EEA1: variants seen among roughly 807,000 people sequenced by gnomAD.
EEA1 encodes the protein early endosome antigen 1.
Under a neutral mutation model 209.2 loss-of-function variants are expected in EEA1, and 111 were observed. The observed-to-expected ratio is 0.53, with a 90% CI of 0.45 to 0.62. The LOEUF is 0.62. Ranked by LOEUF, EEA1 falls within the 20% of genes least tolerant of loss-of-function variation. The probability of loss-of-function intolerance (pLI) is 0.00; values close to 1 mark genes in which losing one functional copy is unlikely to be tolerated. For synonymous variants in EEA1, 536 were observed against 540.6 expected (o/e 0.99, Z 0.12); for missense variants, 1,343 against 1,530.8 (o/e 0.88, Z 2.05).
chr12:92,875,799 T>A (rs564108892), intron 2 of EEA1, among the ~76,000 whole-genome samples: 1 of 152,320 alleles, frequency 6.6e-6, no homozygotes, highest in South Asian at 2.1e-4. Context: ...TTGCTCACTA[T>A]GCTACAGCTA....
intron 23 of EEA1, among the ~76,000 whole-genome samples, chr12:92,780,846 G>C (rs1440486950): frequency 6.6e-6 from 1 of 152,160 alleles, no homozygotes; most frequent in Non-Finnish European, 1.5e-5. Flanking sequence ...ATCAGAGATA[G>C]AGCCAAAACC....
intron 9 of EEA1, among the ~76,000 whole-genome samples, chr12:92,844,437 T>C (rs1877306932): frequency 6.6e-6 from 1 of 152,136 alleles, no homozygotes; most frequent in Non-Finnish European, 1.5e-5. Context: ...TTCAGTATCA[T>C]ATGTAACAGC....
Position 92,778,169 on chromosome 12 carries a change from A to G in EEA1, c.3665T>C (p.Ile1222Thr), listed in dbSNP as rs1184284032. 2.1e-5 allele frequency: 34 copies of G among 1,609,460 alleles called. No homozygotes were observed. Among genetic ancestry groups the G allele is most frequent in the Non-Finnish European group, 2.8e-5 (33 of 1,178,154 alleles). ...IEKEAKLHSEIKEKEVGMKKH... is the reference protein window; with the variant it reads ...IEKEAKLHSETKEKEVGMKKH... ...CTTCATTCCTACTTCCTTTTCTTTT[A>G]TTTCGGAATGCTGAAAAAAAGGAAA... The change falls in exon 26 of 29, where the codon ATA becomes ACA. Residue 1222 changes from isoleucine (I) to threonine (T), a missense_variant. Physicochemically the swap from Ile to Thr is moderately conservative, Grantham distance 89 (BLOSUM62 -1). Coordinates refer to ENST00000322349, the MANE Select transcript of EEA1 (RefSeq NM_003566.4).
intron 2 of EEA1, among the ~76,000 whole-genome samples, chr12:92,878,144 T>C (rs1176652711): frequency 6.6e-6 from 1 of 152,154 alleles, no homozygotes; most frequent in Non-Finnish European, 1.5e-5. Flanking sequence ...CTCACACTTG[T>C]AATCCTAACA....
At chr12:92,901,932 A>G (rs528347560) in intron 1 of EEA1, among the ~76,000 whole-genome samples, 9 of 152,336 alleles carry the variant, frequency 5.9e-5, no homozygotes, top group South Asian at 4.1e-4. Flanking sequence ...CCCAAAAACA[A>G]TAACACTAAC....
chr12:92,804,503 C>A (rs574973122), intron 18 of EEA1, among the ~76,000 whole-genome samples: 29 of 140,720 alleles, frequency 2.1e-4, no homozygotes, highest in Non-Finnish European at 3.0e-4. Context: ...ACCCAGGTGG[C>A]AGAGGTTGCA....
intron 5 of EEA1, 72 bp from the exon 6 acceptor site, chr12:92,854,026 A>C: frequency 8.2e-7 from 1 of 1,219,206 alleles, no homozygotes; most frequent in African/African-American, 1.6e-5. Context: ...GGTCAATGTT[A>C]AAAAATCTCT....
chr12:92,778,173 C>T lies in EEA1; in HGVS notation c.3661G>A (p.Glu1221Lys), dbSNP rs201094587. The T allele has an allele frequency of 4.5e-5, 73 of 1,606,746 alleles. No individual in the cohort carries two copies. In the Middle Eastern group the frequency reaches 5.0e-4, roughly 11 times the overall value. The change falls in exon 26 of 29, where the codon GAA becomes AAA. Residue 1221 changes from glutamate (E) to lysine (K), a missense_variant. Coordinates refer to ENST00000322349, the MANE Select transcript of EEA1 (RefSeq NM_003566.4). ...FIEKEAKLHS[E>K]IKEKEVGMKK... ...ATTCCTACTTCCTTTTCTTTTATTT[C>T]GGAATGCTGAAAAAAAGGAAAAGTT...
At chr12:92,790,526 G>C (rs1054753597) in intron 21 of EEA1, among the ~76,000 whole-genome samples, 9 of 152,074 alleles carry the variant, frequency 5.9e-5, no homozygotes, top group Non-Finnish European at 1.2e-4. Flanking sequence ...TGGAAGAAAG[G>C]GTATCAGTGA....
chr12:92,827,936 G>A lies in EEA1; in HGVS notation c.1380C>T (p.Leu460=). The A allele has an allele frequency of 6.4e-7, 1 of 1,569,002 alleles. No individual in the cohort carries two copies. The highest frequency in any genetic ancestry group is 1.2e-5 in the South Asian group (1 of 83,400). ...CCTGCTCTTCTAACCGAGAAAGTTTGAGTTGTAAATCAGCCACTTGTTGTT... is the reference window on the plus strand; with the variant it reads ...CCTGCTCTTCTAACCGAGAAAGTTTAAGTTGTAAATCAGCCACTTGTTGTT... ...DKEQQVADLQ[L]KLSRLEEQLK... is the part of the protein sequence containing the mutation. The change falls in exon 12 of 29, where the codon CTC becomes CTT. Residue 460 remains leucine, a synonymous_variant. Coordinates refer to ENST00000322349, the MANE Select transcript of EEA1 (RefSeq NM_003566.4).
intron 10 of EEA1, among the ~76,000 whole-genome samples, chr12:92,835,056 T>C (rs976914678): frequency 6.6e-6 from 1 of 151,920 alleles, no homozygotes; most frequent in African/African-American, 2.4e-5. Context: ...AATTTTCTTG[T>C]ATTTTTAGTA....
At chr12:92,836,133 T>A (rs1876919674) in intron 10 of EEA1, among the ~76,000 whole-genome samples, 1 of 152,170 alleles carries the variant, frequency 6.6e-6, no homozygotes, top group Non-Finnish European at 1.5e-5. Context: ...GAAGGTGAAG[T>A]TGACAGAGCC....
chr12:92,894,507 T>C (rs1053650480), intron 1 of EEA1, among the ~76,000 whole-genome samples: 5 of 151,994 alleles, frequency 3.3e-5, no homozygotes, highest in Non-Finnish European at 7.4e-5. Flanking sequence ...AAAGTGCTAC[T>C]CCAGTGAACA....
In EEA1 at chr12:92,779,220, C is replaced by G. The variant is rs963743944; in HGVS notation, c.3549G>C (p.Lys1183Asn). The change falls in exon 25 of 29, where the codon AAG becomes AAC. Residue 1183 changes from lysine (K) to asparagine (N), a missense_variant. Lys to Asn is a moderately conservative substitution (Grantham distance 94). Around this residue, in one of 3 missense-constraint regions of EEA1, gnomAD observed 1,307 missense variants for 1,465.5 expected, o/e 0.89. Transcript: ENST00000322349. ...TTCTCTTCTCCTGTTCAACAGCTGCCTTCAGGGAGTCCGCTTTTCCTTGAA... is the reference window on the plus strand; with the variant it reads ...TTCTCTTCTCCTGTTCAACAGCTGCGTTCAGGGAGTCCGCTTTTCCTTGAA... ...LELQGKADSL[K>N]AAVEQEKRNQ... 2 of 1,610,312 alleles carry G rather than the reference C, an allele frequency of 1.2e-6. No homozygotes were observed. Among genetic ancestry groups the G allele is most frequent in the South Asian group, 2.2e-5 (2 of 90,434 alleles).
intron 1 of EEA1, among the ~76,000 whole-genome samples, chr12:92,908,183 T>G (rs142007034): frequency 6.6e-6 from 1 of 152,264 alleles, no homozygotes; most frequent in African/African-American, 2.4e-5. Context: ...TGCTGCAACA[T>G]GAAGCTAGAA....
rs1873507426 is a variant in EEA1, at chr12:92,773,263, G to T, written c.*2748C>A. 6.6e-6 allele frequency: 1 copy of T among 151,988 alleles called. No individual in the cohort carries two copies. Among genetic ancestry groups the T allele is most frequent in the Non-Finnish European group, 1.5e-5 (1 of 67,654 alleles). 9.4% of individuals were successfully genotyped at this position (151,988 alleles called of 1,614,324 possible). A position where few individuals can be genotyped will look rare whatever the true frequency, so the allele number is the denominator to read the frequency against. ...TGCAAATGTAAGGTTAAAAAAAAGTGGCTTTAAAGTTCTCAAAACTATATA... is the reference window on the plus strand; with the variant it reads ...TGCAAATGTAAGGTTAAAAAAAAGTTGCTTTAAAGTTCTCAAAACTATATA... On this transcript the variant is annotated 3_prime_UTR_variant, in exon 29 of 29. Transcript: ENST00000322349.
At chr12:92,897,469 G>A (rs775651555) in intron 1 of EEA1, among the ~76,000 whole-genome samples, 8 of 152,186 alleles carry the variant, frequency 5.3e-5, no homozygotes, top group Non-Finnish European at 1.5e-5. Flanking sequence ...GCGTGAAGTG[G>A]CTAATCAGAA....
At chr12:92,837,949 G>A (rs1229224438) in intron 10 of EEA1, among the ~76,000 whole-genome samples, 2 of 152,140 alleles carry the variant, frequency 1.3e-5, no homozygotes, top group Non-Finnish European at 2.9e-5. Context: ...GGGTAAGGAG[G>A]GGTGAGAGAA....
chr12:92,805,109 T>C (rs1193789134), intron 18 of EEA1, among the ~76,000 whole-genome samples: 2 of 152,124 alleles, frequency 1.3e-5, no homozygotes, highest in Non-Finnish European at 1.5e-5. Flanking sequence ...GCAGAGTTTT[T>C]GAGGAACAGA....
Sources: allele counts gnomAD v4.1 joint callset (sites outside exome capture counted in the v4.1 genomes callset), GRCh38; gene constraint gnomAD v4.1.1; regional missense constraint gnomAD v4.1.1; transcripts MANE v1.5; gene names NCBI Gene and HGNC (gene_info 2026-07-23, HGNC 2026-07-21).